Variants in VPS13B observed in about 807,000 individuals in gnomAD.
The protein encoded by VPS13B is vacuolar protein sorting 13 homolog B.
Under a neutral mutation model 426.4 loss-of-function variants are expected in VPS13B, and 285 were observed. The ratio of observed to expected loss-of-function variants is 0.67; its 90% CI spans 0.61 to 0.74. The LOEUF (loss-of-function observed/expected upper bound fraction) is 0.74, where lower values mean the gene tolerates loss of function less well. Ranked by LOEUF, VPS13B falls within the 30% of genes least tolerant of loss-of-function variation. The probability of loss-of-function intolerance (pLI) is 0.00; values close to 1 mark genes in which losing one functional copy is unlikely to be tolerated. For synonymous variants in VPS13B, 1,676 were observed against 1,676.4 expected, an observed-to-expected ratio of 1.00 and a Z score of 0.01; for missense variants, 4,537 against 4,782.6, an observed-to-expected ratio of 0.95 and a Z score of 1.51.
intron 3 of VPS13B, 124 bp from the exon 4 acceptor site, chr8:99,096,188 A>T (rs1458963282): frequency 8.5e-6 from 10 of 1,171,148 alleles, no homozygotes; most frequent in African/African-American, 1.6e-5. Context: ...TTAGAGCTAA[A>T]AAATAAAATT....
intron 33 of VPS13B, among the ~76,000 whole-genome samples, chr8:99,640,040 G>A (rs1213081505): frequency 1.8e-5 from 2 of 110,948 alleles, no homozygotes; most frequent in Admixed American, 1.0e-4. Flanking sequence ...AGAAGAAGAA[G>A]AAGAAGAAGA....
At chr8:99,492,983 C>A (rs1820697910) in intron 25 of VPS13B, among the ~76,000 whole-genome samples, 1 of 152,208 alleles carries the variant, frequency 6.6e-6, no homozygotes, top group Non-Finnish European at 1.5e-5. Context: ...AGAGCTGTTC[C>A]TATTCTGTCA....
chr8:99,724,703 G>A lies in VPS13B; in HGVS notation c.7050+3656G>A, dbSNP rs569540886. ...AATAAGGGCTTGTTTCCTCCCCTCC[G>A]CTTTTTCTTATCACACAAATGCCTA... On this transcript the variant is annotated intron_variant, in intron 39 of 61. Coordinates refer to ENST00000357162, the MANE Select transcript of VPS13B (RefSeq NM_152564.5). Among the ~76,000 whole-genome samples the A allele has an allele frequency of 3.3e-5, 5 of 152,006 alleles. No homozygotes were observed. In the East Asian group the frequency reaches 5.8e-4, roughly 18 times the overall value.
At position 99,536,894 on chromosome 8, in the gene VPS13B, A is replaced by G. The variant is rs534010484; in HGVS notation, c.4745+15884A>G. On this transcript the variant is annotated intron_variant, in intron 30 of 61. Coordinates refer to ENST00000357162, the MANE Select transcript of VPS13B (RefSeq NM_152564.5). The stretch of plus-strand genomic sequence containing the variant: ...GAATTTTCCAAAAACTAGGGAAAAA[A>G]AGTAACATGCATAGAGTTACAGAAT... 36 of 466,760 alleles carry G rather than the reference A, an allele frequency of 7.7e-5. 1 individual carries two copies. In the Middle Eastern group the frequency reaches 1.3e-3, roughly 17 times the overall value. 28.9% of individuals were successfully genotyped at this position (466,760 alleles called of 1,614,324 possible).
At chr8:99,491,278 C>G in intron 25 of VPS13B, among the ~76,000 whole-genome samples, 1 of 152,170 alleles carries the variant, frequency 6.6e-6, no homozygotes. Context: ...ATCTTTCTGT[C>G]TGGCTGCCCT....
intron 3 of VPS13B, chr8:99,091,739 T>C (rs1846159059): frequency 6.6e-6 from 1 of 152,244 alleles, no homozygotes; most frequent in Non-Finnish European, 1.5e-5. Flanking sequence ...AGATTCTTTA[T>C]TGCATCTGGC....
intron 17 of VPS13B, among the ~76,000 whole-genome samples, chr8:99,269,899 A>G (rs1818485468): frequency 6.6e-6 from 1 of 152,070 alleles, no homozygotes. Context: ...AGAGATGAAT[A>G]TAACTTTTAT....
intron 39 of VPS13B, among the ~76,000 whole-genome samples, chr8:99,734,728 T>C (rs1833751418): frequency 6.6e-6 from 1 of 152,186 alleles, no homozygotes; most frequent in Admixed American, 6.5e-5. Context: ...AGACAACTGT[T>C]CAGAGCACAT....
intron 19 of VPS13B, among the ~76,000 whole-genome samples, chr8:99,298,736 C>A (rs902657424): frequency 3.3e-5 from 5 of 152,166 alleles, no homozygotes; most frequent in African/African-American, 1.2e-4. Context: ...GTCAGGCAAA[C>A]CTGTTTTCAG....
intron 19 of VPS13B, among the ~76,000 whole-genome samples, chr8:99,292,640 A>C (rs1458317986): frequency 6.6e-6 from 1 of 152,166 alleles, no homozygotes; most frequent in African/African-American, 2.4e-5. Context: ...AGATGTTTCT[A>C]CTTTGCTCAG....
intron 19 of VPS13B, among the ~76,000 whole-genome samples, chr8:99,284,859 C>T (rs1819352234): frequency 6.6e-6 from 1 of 152,148 alleles, no homozygotes; most frequent in Non-Finnish European, 1.5e-5. Context: ...CAGCACCTGG[C>T]CTAGTGTTGG....
chr8:99,579,400 T>G (rs1825934913), intron 33 of VPS13B, among the ~76,000 whole-genome samples: 1 of 152,132 alleles, frequency 6.6e-6, no homozygotes. Context: ...ACCAGAATTT[T>G]TTTTTCTTTT....
intron 30 of VPS13B, among the ~76,000 whole-genome samples, chr8:99,552,945 G>T (rs1455851897): frequency 1.3e-5 from 2 of 152,080 alleles, no homozygotes; most frequent in Non-Finnish European, 2.9e-5. Context: ...TCACAATCAA[G>T]ATACAGAACT....
intron 19 of VPS13B, among the ~76,000 whole-genome samples, chr8:99,287,233 TCTA>T (rs1467616609): frequency 2.9e-5 from 1 of 34,682 alleles, no homozygotes; most frequent in African/African-American, 9.1e-5. Context: ...TATCTGTCTG[TCTA>T]TCTATCTATC....
At chr8:99,607,069 C>G (rs748852418) in intron 33 of VPS13B, among the ~76,000 whole-genome samples, 5 of 152,128 alleles carry the variant, frequency 3.3e-5, no homozygotes, top group Admixed American at 6.5e-5. Context: ...TGCCATGTAA[C>G]CAACAAACCT....
chr8:99,777,121 C>T (rs78089572), intron 41 of VPS13B, among the ~76,000 whole-genome samples, 165 bp downstream of exon 41: 1 of 152,232 alleles, frequency 6.6e-6, no homozygotes, highest in East Asian at 1.9e-4. Flanking sequence ...ACAGGCATAA[C>T]CTTTACTTCT....
intron 23 of VPS13B, among the ~76,000 whole-genome samples, chr8:99,447,046 G>C (rs1413744314): frequency 6.6e-6 from 1 of 151,994 alleles, no homozygotes; most frequent in Non-Finnish European, 1.5e-5. Context: ...TAACTTACGT[G>C]ATTGCCTAAT....
chr8:99,162,531 T>G (rs1007271730), intron 15 of VPS13B, among the ~76,000 whole-genome samples: 20 of 151,982 alleles, frequency 1.3e-4, no homozygotes, highest in African/African-American at 4.1e-4. Flanking sequence ...CCTTCTGATG[T>G]TCAGATGTAT....
chr8:99,022,418 T>G (rs1250907458), intron 2 of VPS13B, among the ~76,000 whole-genome samples: 1 of 151,982 alleles, frequency 6.6e-6, no homozygotes, highest in Non-Finnish European at 1.5e-5. Context: ...TTCCAAACAT[T>G]TAGGAATTTA....
Sources: allele counts gnomAD v4.1 joint callset (sites outside exome capture counted in the v4.1 genomes callset), GRCh38; gene constraint gnomAD v4.1.1; transcripts MANE v1.5; gene names NCBI Gene and HGNC (gene_info 2026-07-23, HGNC 2026-07-21).